Variants in TMEM178B observed in about 807,000 individuals in gnomAD.
The protein encoded by TMEM178B is transmembrane protein 178B.
In TMEM178B, 5 loss-of-function variants were observed where a neutral mutation model predicts 31.0. That is an observed-to-expected ratio of 0.16 (90% confidence interval 0.08 to 0.34). The LOEUF (loss-of-function observed/expected upper bound fraction) is 0.34, where lower values mean the gene tolerates loss of function less well. Ranked by LOEUF, TMEM178B falls within the 10% of genes least tolerant of loss-of-function variation. The pLI, the probability that TMEM178B is intolerant of heterozygous loss-of-function variation, is 1.00. For synonymous variants in TMEM178B, 164 were observed against 164.0 expected (o/e 1.00, Z 0.00); for missense variants, 275 against 400.3 (o/e 0.69, Z 2.67).
At position 141,171,603 on chromosome 7, in the gene TMEM178B, C is replaced by T. The variant is rs142384077; in HGVS notation, c.383-40988C>T. Among the ~76,000 whole-genome samples the T allele has an allele frequency of 1.1e-4, 16 of 152,288 alleles. No homozygotes were observed. The East Asian group carries it at 1.7e-3, about 17-fold the overall frequency. ...GATGCACGACCACCTTGCCAGGCCT[C>T]GGTCTCCCGCATGACACTGTCTTCT... On this transcript the variant is annotated intron_variant, in intron 1 of 3. Transcript: ENST00000565468. The surrounding 1 kb of genome is among the most constrained non-coding windows in gnomAD (Gnocchi z 4.3).
the TMEM178B span, among the ~76,000 whole-genome samples, chr7:141,508,009 G>A: frequency 3.3e-5 from 5 of 152,180 alleles, no homozygotes; most frequent in African/African-American, 7.2e-5. Flanking sequence ...TCTGCAGCCC[G>A]CTTGAATTTC....
chr7:141,231,070 C>T (rs1412616669), intron 2 of TMEM178B, among the ~76,000 whole-genome samples: 2 of 152,232 alleles, frequency 1.3e-5, no homozygotes, highest in African/African-American at 4.8e-5. Context: ...CCAGCAGCTA[C>T]TTAAATGGGT....
intron 2 of TMEM178B, among the ~76,000 whole-genome samples, chr7:141,359,108 T>A (rs553215725): frequency 6.6e-6 from 1 of 152,164 alleles, no homozygotes; most frequent in Non-Finnish European, 1.5e-5. Context: ...GAAATTCCAT[T>A]TGGGAGACAC....
intron 3 of TMEM178B, among the ~76,000 whole-genome samples, chr7:141,463,156 G>C (rs1191434506): frequency 6.6e-6 from 1 of 152,188 alleles, no homozygotes; most frequent in African/African-American, 2.4e-5. Flanking sequence ...GCCAATGCCA[G>C]TGAGAGTCCT....
intron 2 of TMEM178B, among the ~76,000 whole-genome samples, chr7:141,369,594 G>A (rs1223926799): frequency 6.6e-6 from 1 of 152,076 alleles, no homozygotes; most frequent in Non-Finnish European, 1.5e-5. Flanking sequence ...CAAGAATGCC[G>A]AGCAGGGAAG....
intron 2 of TMEM178B, among the ~76,000 whole-genome samples, chr7:141,288,227 G>A (rs527877306): frequency 6.6e-6 from 1 of 151,676 alleles, no homozygotes; most frequent in East Asian, 1.9e-4. Context: ...GATTGTTTGT[G>A]ATTGTCGCGC....
intron 1 of TMEM178B, among the ~76,000 whole-genome samples, chr7:141,107,069 G>A (rs1795159447): frequency 6.6e-6 from 1 of 152,184 alleles, no homozygotes; most frequent in South Asian, 2.1e-4. Flanking sequence ...CATTGAGGGA[G>A]ATACAGGACT....
intron 3 of TMEM178B, among the ~76,000 whole-genome samples, chr7:141,459,079 G>A (rs527430754): frequency 1.2e-3 from 188 of 152,298 alleles, no homozygotes; most frequent in African/African-American, 4.1e-3. Flanking sequence ...GCCCAGGCTC[G>A]TGTGCAATGG....
At chr7:141,141,381 A>G (rs1795765465) in intron 1 of TMEM178B, among the ~76,000 whole-genome samples, 1 of 152,132 alleles carries the variant, frequency 6.6e-6, no homozygotes, top group South Asian at 2.1e-4. Flanking sequence ...CATTTTTCCA[A>G]GGAGCCCTGG....
At chr7:141,335,884 G>C (rs1357432563) in intron 2 of TMEM178B, among the ~76,000 whole-genome samples, 3 of 152,232 alleles carry the variant, frequency 2.0e-5, no homozygotes, top group East Asian at 1.9e-4. Context: ...TTTTCCCCAA[G>C]TGTCTCTGGG....
chr7:141,357,536 G>A (rs1799841876), intron 2 of TMEM178B, among the ~76,000 whole-genome samples: 1 of 152,214 alleles, frequency 6.6e-6, no homozygotes, highest in South Asian at 2.1e-4. Flanking sequence ...AGAAATACAG[G>A]TGATTCATGG....
intron 2 of TMEM178B, among the ~76,000 whole-genome samples, chr7:141,253,881 T>A (rs7807232): frequency 0.43 from 66,065 of 151,894 alleles, 14,589 homozygotes; most frequent in East Asian, 0.67. Flanking sequence ...CTACAATGAG[T>A]TGTGACTCCT....
At chr7:141,290,239 A>G (rs568270631) in intron 2 of TMEM178B, among the ~76,000 whole-genome samples, 26 of 152,330 alleles carry the variant, frequency 1.7e-4, no homozygotes, top group African/African-American at 5.8e-4. Context: ...TGTTTGGTTC[A>G]GTTTTTGTCA....
chr7:141,192,996 T>G (rs1288551955), intron 1 of TMEM178B, among the ~76,000 whole-genome samples: 2 of 152,216 alleles, frequency 1.3e-5, no homozygotes, highest in African/African-American at 4.8e-5. Context: ...AAATGGAAAT[T>G]TCTCCAATGT....
At chr7:141,235,639 A>G (rs112301478) in intron 2 of TMEM178B, among the ~76,000 whole-genome samples, 2,307 of 152,346 alleles carry the variant, frequency 0.015, 37 homozygotes, top group Non-Finnish European at 0.024. Context: ...CAAGGATAAA[A>G]AAGTGCATTT....
rs1554478077 is a variant in TMEM178B, at chr7:141,344,610, T to TCCTTCCTTCCTTCCTC, written c.497-92983_497-92982insCCCTTCCTTCCTTCCT. On this transcript the variant is annotated intron_variant, in intron 2 of 3. Transcript: ENST00000565468. This position sits in a 1 kb window ranked among gnomAD's most constrained non-coding sequence, Gnocchi z 4.1. ...TTCCTTCCTTCCTTCCTTCCTTCCT[T>TCCTTCCTTCCTTCCTC]CCTTCCTTCCTTCCTTCCTCCCTTC... 2.5e-4 allele frequency among the ~76,000 whole-genome samples: 35 copies of TCCTTCCTTCCTTCCTC among 138,456 alleles called. No individual in the cohort carries two copies. The highest frequency in any genetic ancestry group is 9.2e-4 in the African/African-American group (34 of 37,138). The allele number at this position is 138,456 out of a possible 152,430, so 90.8% of individuals were successfully genotyped here. A position where few individuals can be genotyped will look rare whatever the true frequency, so the allele number is the denominator to read the frequency against.
At chr7:141,458,475 C>G (rs1019939335) in intron 3 of TMEM178B, among the ~76,000 whole-genome samples, 3 of 152,186 alleles carry the variant, frequency 2.0e-5, no homozygotes, top group African/African-American at 4.8e-5. Context: ...GCTTCTGGTT[C>G]TGACAAAGCC....
At chr7:141,251,026 A>G (rs1797823808) in intron 2 of TMEM178B, among the ~76,000 whole-genome samples, 1 of 152,216 alleles carries the variant, frequency 6.6e-6, no homozygotes, top group Middle Eastern at 3.4e-3. Context: ...CTAAAGGGTC[A>G]GCTATGCTCC....
chr7:141,243,078 A>C (rs1797653741), intron 2 of TMEM178B, among the ~76,000 whole-genome samples: 1 of 152,206 alleles, frequency 6.6e-6, no homozygotes, highest in African/African-American at 2.4e-5. Flanking sequence ...TAAGAGAGAC[A>C]GTTTAGATTT....
Sources: allele counts gnomAD v4.1 joint callset (sites outside exome capture counted in the v4.1 genomes callset), GRCh38; gene constraint gnomAD v4.1.1; non-coding constraint Gnocchi (gnomAD v3.1); transcripts MANE v1.5; gene names NCBI Gene and HGNC (gene_info 2026-07-23, HGNC 2026-07-21).